RIMBP2: variants seen among roughly 807,000 people sequenced by gnomAD.
The protein encoded by RIMBP2 is RIMS-binding protein 2.
Under a neutral mutation model 118.6 loss-of-function variants are expected in RIMBP2, and 48 were observed. That is an observed-to-expected ratio of 0.40 (90% CI 0.32 to 0.51). The LOEUF (loss-of-function observed/expected upper bound fraction) is 0.51, where lower values mean the gene tolerates loss of function less well. Ranked by LOEUF, RIMBP2 falls within the 20% of genes least tolerant of loss-of-function variation. RIMBP2 has a pLI of 0.41. For synonymous variants in RIMBP2, 762 were observed against 742.9 expected, an observed-to-expected ratio of 1.03 and a Z score of -0.42; for missense variants, 1,551 against 1,768.3, an observed-to-expected ratio of 0.88 and a Z score of 2.20.
chr12:130,456,140 G>A (rs1448651308), intron 7 of RIMBP2, among the ~76,000 whole-genome samples: 1 of 152,246 alleles, frequency 6.6e-6, no homozygotes, highest in Non-Finnish European at 1.5e-5. Context: ...TCCTTGTGGA[G>A]TCGTTGCCAG....
intron 3 of RIMBP2, among the ~76,000 whole-genome samples, chr12:130,514,166 C>A (rs1040372442): frequency 1.3e-5 from 2 of 152,228 alleles, no homozygotes; most frequent in Non-Finnish European, 2.9e-5. Context: ...ATCTGGGGTG[C>A]CCCTGCTGCC....
intron 1 of RIMBP2, among the ~76,000 whole-genome samples, chr12:130,681,608 G>C (rs1379633789): frequency 1.3e-5 from 2 of 152,078 alleles, no homozygotes; most frequent in African/African-American, 4.8e-5. Flanking sequence ...ATGAACTAAG[G>C]TCGTGTAAAT....
At chr12:130,492,111 T>C (rs2048700818) in intron 4 of RIMBP2, among the ~76,000 whole-genome samples, 1 of 152,174 alleles carries the variant, frequency 6.6e-6, no homozygotes, top group African/African-American at 2.4e-5. Context: ...GGTGACACTT[T>C]GAATGTCACA....
intron 5 of RIMBP2, among the ~76,000 whole-genome samples, chr12:130,470,969 A>T (rs372348280): frequency 2.0e-5 from 3 of 152,334 alleles, no homozygotes; most frequent in East Asian, 3.9e-4. Flanking sequence ...TCTGGGACAC[A>T]GATTATTTCT....
chr12:130,474,784 G>A (rs946779245), intron 5 of RIMBP2, among the ~76,000 whole-genome samples: 1 of 152,146 alleles, frequency 6.6e-6, no homozygotes, highest in Non-Finnish European at 1.5e-5. Flanking sequence ...AGGAGGCCAC[G>A]ACTGCACTCC....
chr12:130,656,154 G>A (rs528787273), intron 1 of RIMBP2, among the ~76,000 whole-genome samples: 3 of 152,332 alleles, frequency 2.0e-5, no homozygotes, highest in South Asian at 4.1e-4. Context: ...GGAGGGCCAG[G>A]AGCGAGAGAG....
intron 11 of RIMBP2, among the ~76,000 whole-genome samples, chr12:130,440,004 A>G (rs932337332): frequency 6.6e-6 from 1 of 151,768 alleles, no homozygotes; most frequent in Non-Finnish European, 1.5e-5. Flanking sequence ...GTATAAGCAC[A>G]TCCGTATCTC....
rs1318704223 is a variant in RIMBP2 at position 130,581,130 on chromosome 12, C to T, written c.-217+47192G>A. Among the ~76,000 whole-genome samples, 1 of 152,096 alleles carries T rather than the reference C, an allele frequency of 6.6e-6. No homozygotes were observed. The highest frequency in any genetic ancestry group is 2.4e-5 in the African/African-American group (1 of 41,410). On this transcript the variant is annotated intron_variant, in intron 2 of 22. Coordinates refer to ENST00000690449, the MANE Select transcript of RIMBP2 (RefSeq NM_001393629.1). This position sits in a 1 kb window ranked among gnomAD's most constrained non-coding sequence, Gnocchi z 4.4. ...GCCAGGCACTGGGGGTGATGGTTTCCAAGACAGGCAGGTCCTGGACAGAGC... is the reference window on the plus strand; with the variant it reads ...GCCAGGCACTGGGGGTGATGGTTTCTAAGACAGGCAGGTCCTGGACAGAGC...
rs2048664629 is a variant in RIMBP2 at position 130,491,754 on chromosome 12, C to T, written c.-3-12738G>A. On this transcript the variant is annotated intron_variant, in intron 4 of 22. Transcript: ENST00000690449. ...CCCGCGCAGAGACCTTCCCAGGGCA[C>T]GTGCTGTCATTCATGGGAAGGCTTC... 3.9e-5 allele frequency among the ~76,000 whole-genome samples: 6 copies of T among 152,368 alleles called. 1 individual carries two copies. The highest frequency in any genetic ancestry group is 2.4e-5 in the African/African-American group (1 of 41,584).
In RIMBP2 at chr12:130,469,906, C is replaced by T. The variant is rs2080851109; in HGVS notation, c.153+787G>A. Among the ~76,000 whole-genome samples the T allele has an allele frequency of 6.6e-6, 1 of 152,166 alleles. No homozygotes were observed. The highest frequency in any genetic ancestry group is 6.5e-5 in the Admixed American group (1 of 15,278). Reference sequence around the variant, plus strand: ...CCTTGACTTCGGCAGGTGGGGGCCCCAGCTCACTGTAGCCCAGCCACTGTG... The same window carrying T: ...CCTTGACTTCGGCAGGTGGGGGCCCTAGCTCACTGTAGCCCAGCCACTGTG... On this transcript the variant is annotated intron_variant, in intron 6 of 22. Transcript: ENST00000690449. This position sits in a 1 kb window ranked among gnomAD's most constrained non-coding sequence, Gnocchi z 4.8.
At chr12:130,539,952 A>C (rs11060985) in intron 2 of RIMBP2, among the ~76,000 whole-genome samples, 1,072 of 3,406 alleles carry the variant, frequency 0.31, 356 homozygotes, top group Middle Eastern at 1. Flanking sequence ...CAAATGCAGT[A>C]GATGAGGTGG....
chr12:130,502,108 G>A (rs906218515), intron 4 of RIMBP2, among the ~76,000 whole-genome samples: 1 of 152,148 alleles, frequency 6.6e-6, no homozygotes, highest in Non-Finnish European at 1.5e-5. Flanking sequence ...ATGGAGGAGG[G>A]GAGAGCAAGG....
chr12:130,679,552 T>C (rs747624913), intron 1 of RIMBP2, among the ~76,000 whole-genome samples: 12 of 152,296 alleles, frequency 7.9e-5, no homozygotes, highest in South Asian at 2.1e-4. Context: ...GCTCCCAAGG[T>C]CCTGAGGTGT....
rs145338191 is a variant in RIMBP2, at chr12:130,626,171, A to C, written c.-217+2151T>G. ...CAAATGATTACCAAGTGTATATCCT[A>C]CATTGGAAAGAGTTAAGTTTCACAT... On this transcript the variant is annotated intron_variant, in intron 2 of 22. Transcript: ENST00000690449. 2.6e-5 allele frequency among the ~76,000 whole-genome samples: 4 copies of C among 152,334 alleles called. No homozygotes were observed. In the East Asian group the frequency reaches 5.8e-4, roughly 22 times the overall value.
chr12:130,488,857 C>A (rs753839033), intron 4 of RIMBP2, among the ~76,000 whole-genome samples: 1 of 152,198 alleles, frequency 6.6e-6, no homozygotes, highest in African/African-American at 2.4e-5. Context: ...CTGTGAGAAA[C>A]TGAGACTAGA....
At chr12:130,593,052 C>A (rs1217474942) in intron 2 of RIMBP2, among the ~76,000 whole-genome samples, 1 of 152,238 alleles carries the variant, frequency 6.6e-6, no homozygotes, top group African/African-American at 2.4e-5. Context: ...CATCATTCAG[C>A]CTCGGCTCAG....
At chr12:130,466,949 G>C (rs2080534002) in intron 6 of RIMBP2, among the ~76,000 whole-genome samples, 2 of 152,146 alleles carry the variant, frequency 1.3e-5, no homozygotes, top group Admixed American at 1.3e-4. Context: ...TCAGTGAAAG[G>C]CTCATCAGAG....
intron 2 of RIMBP2, among the ~76,000 whole-genome samples, chr12:130,572,956 C>G (rs2140083508): frequency 6.6e-6 from 1 of 152,162 alleles, no homozygotes; most frequent in African/African-American, 2.4e-5. Context: ...CATCCTTCCC[C>G]CCGGGGGGAC....
chr12:130,574,282 G>C (rs1351915847), intron 2 of RIMBP2, among the ~76,000 whole-genome samples: 1 of 152,028 alleles, frequency 6.6e-6, no homozygotes, highest in Non-Finnish European at 1.5e-5. Flanking sequence ...GGTGGCGGTG[G>C]GCGGTGACAT....
Sources: gnomAD v4.1 joint callset for allele counts (sites outside exome capture counted in the v4.1 genomes callset) on GRCh38, gnomAD v4.1.1 for gene constraint, Gnocchi (gnomAD v3.1) non-coding constraint, MANE v1.5 for transcripts, NCBI Gene and HGNC (gene_info 2026-07-23, HGNC 2026-07-21) for gene names.